CDR2: variants seen among roughly 807,000 people sequenced by gnomAD.
The protein encoded by CDR2 is cerebellar degeneration related protein 2.
Under a neutral mutation model 48.4 loss-of-function variants are expected in CDR2, and 34 were observed. That is an observed-to-expected ratio of 0.70 (90% CI 0.53 to 0.94). The LOEUF is 0.94. CDR2 is among the 40% of genes least tolerant of loss of function. The probability of loss-of-function intolerance (pLI) is 0.00; values close to 1 mark genes in which losing one functional copy is unlikely to be tolerated. For missense variants in CDR2, 498 were observed against 549.5 expected (o/e 0.91, Z 0.94); for synonymous variants, 240 against 219.7 (o/e 1.09, Z -0.82).
chr16:22,349,841 C>G lies in CDR2; in HGVS notation c.201G>C (p.Thr67=). 1.2e-6 allele frequency: 2 copies of G among 1,614,084 alleles called. No homozygotes were observed. Among genetic ancestry groups the G allele is most frequent in the Non-Finnish European group, 1.7e-6 (2 of 1,179,966 alleles). The change falls in exon 3 of 5, where the codon ACG becomes ACC. Residue 67 remains threonine, a synonymous_variant. Coordinates refer to ENST00000268383, the MANE Select transcript of CDR2 (RefSeq NM_001802.2). The stretch of plus-strand genomic sequence containing the variant: ...TCTGCCGTAGAAGTTCCACTTGCTT[C>G]GTCAGATACTGTAAGAGAAGATCAG... ...QEQLQEIEYL[T]KQVELLRQMN...
At chr16:22,351,313 G>A (rs1019064669) in intron 2 of CDR2, among the ~76,000 whole-genome samples, 2 of 152,112 alleles carry the variant, frequency 1.3e-5, no homozygotes, top group African/African-American at 2.4e-5. Context: ...GAATAGTGCC[G>A]CAATAAACAT....
chr16:22,364,813 AT>A (rs2049034185), intron 2 of CDR2, 88 bp downstream of exon 2: 1 of 711,338 alleles, frequency 1.4e-6, no homozygotes, highest in African/African-American at 1.8e-5. Flanking sequence ...GCTGCATCTA[AT>A]TGCAAGTGCT....
chr16:22,359,654 A>T (rs1406071871), intron 2 of CDR2, among the ~76,000 whole-genome samples: 1 of 152,184 alleles, frequency 6.6e-6, no homozygotes, highest in Non-Finnish European at 1.5e-5. Context: ...TCTGAGGGGT[A>T]ATTCATATGT....
At chr16:22,356,095 CTTG>C (rs1195397631) in intron 2 of CDR2, among the ~76,000 whole-genome samples, 2 of 152,108 alleles carry the variant, frequency 1.3e-5, no homozygotes, top group Non-Finnish European at 2.9e-5. Context: ...GTTTCTAGAT[CTTG>C]TTATTAAATA....
chr16:22,349,828 G>C lies in CDR2; in HGVS notation c.214C>G (p.Leu72Val). Residue 72 changes from leucine (L) to valine (V), a missense_variant, in exon 3 of 5, where the codon CTT becomes GTT. Coordinates refer to ENST00000268383, the MANE Select transcript of CDR2 (RefSeq NM_001802.2). ...EIEYLTKQVELLRQMNEQHAK... is the reference protein window; with the variant it reads ...EIEYLTKQVEVLRQMNEQHAK... Reference sequence around the variant, plus strand: ...TGTTGTTCGTTCATCTGCCGTAGAAGTTCCACTTGCTTCGTCAGATACTGT... The same window carrying C: ...TGTTGTTCGTTCATCTGCCGTAGAACTTCCACTTGCTTCGTCAGATACTGT... The C allele has an allele frequency of 6.2e-7, 1 of 1,614,112 alleles. No homozygotes were observed. The highest frequency in any genetic ancestry group is 8.5e-7 in the Non-Finnish European group (1 of 1,179,972).
chr16:22,351,658 T>C (rs1442886676), intron 2 of CDR2, among the ~76,000 whole-genome samples: 1 of 152,106 alleles, frequency 6.6e-6, no homozygotes, highest in Non-Finnish European at 1.5e-5. Context: ...TTTATGAGAG[T>C]TTTATCACCA....
chr16:22,362,292 A>G (rs1349940933), intron 2 of CDR2, among the ~76,000 whole-genome samples: 1 of 152,238 alleles, frequency 6.6e-6, no homozygotes, highest in African/African-American at 2.4e-5. Context: ...ATTAGATAAT[A>G]AAGTGTTATT....
intron 2 of CDR2, among the ~76,000 whole-genome samples, chr16:22,351,769 T>C (rs2048944002): frequency 6.6e-6 from 1 of 152,154 alleles, no homozygotes. Context: ...ATCCCAACCT[T>C]AATGCCGCAG....
intron 1 of CDR2, among the ~76,000 whole-genome samples, chr16:22,366,515 T>C (rs1214918822): frequency 6.6e-6 from 1 of 152,040 alleles, no homozygotes; most frequent in East Asian, 1.9e-4. Flanking sequence ...ACAGAATAAG[T>C]GACCCATGTG....
At chr16:22,371,696 A>G (rs1312400716) in intron 1 of CDR2, among the ~76,000 whole-genome samples, 1 of 152,220 alleles carries the variant, frequency 6.6e-6, no homozygotes, top group African/African-American at 2.4e-5. Flanking sequence ...GACAGGCCAT[A>G]TTCACAAGTT....
chr16:22,372,160 G>A (rs1162643492), intron 1 of CDR2, among the ~76,000 whole-genome samples: 1 of 152,076 alleles, frequency 6.6e-6, no homozygotes, highest in Non-Finnish European at 1.5e-5. Context: ...ATGAGTCACT[G>A]CGCCCAGCCC....
Position 22,346,933 on chromosome 16 carries a change from T to C in CDR2, c.*32A>G. The C allele has an allele frequency of 1.9e-6, 3 of 1,588,114 alleles. No homozygotes were observed. The highest frequency in any genetic ancestry group is 4.5e-5 in the East Asian group (2 of 44,426). Reference sequence around the variant, plus strand: ...AATGGGAGAGAGAGGCGATAGGCAATAGGCAAATTAGTAGTAGAGCTAGAG... The same window carrying C: ...AATGGGAGAGAGAGGCGATAGGCAACAGGCAAATTAGTAGTAGAGCTAGAG... On this transcript the variant is annotated 3_prime_UTR_variant, in exon 5 of 5. Transcript: ENST00000268383.
chr16:22,361,028 CG>C lies in CDR2; in HGVS notation c.192+3873del, dbSNP rs2049007812. Among the ~76,000 whole-genome samples, 3 of 152,104 alleles carry C rather than the reference CG, an allele frequency of 2.0e-5. No individual in the cohort carries two copies. The South Asian group carries it at 6.2e-4, about 32-fold the overall frequency. ...CCTCCCAAAGTGCTAGGATTACAGGCGTGAGCCACTGCGCCAAGCTGTGTAT... is the reference window on the plus strand; with the variant it reads ...CCTCCCAAAGTGCTAGGATTACAGGCTGAGCCACTGCGCCAAGCTGTGTAT... On this transcript the variant is annotated intron_variant, in intron 2 of 4. Coordinates refer to ENST00000268383, the MANE Select transcript of CDR2 (RefSeq NM_001802.2).
chr16:22,367,922 A>G (rs1487487334), intron 1 of CDR2, among the ~76,000 whole-genome samples: 1 of 152,184 alleles, frequency 6.6e-6, no homozygotes, highest in Non-Finnish European at 1.5e-5. Flanking sequence ...TAGTCATTAC[A>G]TTCATTAAGA....
intron 2 of CDR2, among the ~76,000 whole-genome samples, chr16:22,350,819 T>C (rs776489703): frequency 2.0e-5 from 3 of 152,100 alleles, no homozygotes; most frequent in African/African-American, 7.2e-5. Context: ...ACATGGAACA[T>C]GTGATCAAAG....
At chr16:22,364,378 T>C (rs1388460812) in intron 2 of CDR2, among the ~76,000 whole-genome samples, 1 of 152,112 alleles carries the variant, frequency 6.6e-6, no homozygotes, top group East Asian at 1.9e-4. Context: ...TCAGGAACTA[T>C]GATTTTTTTT....
rs369934298 is a variant in CDR2 at position 22,374,317 on chromosome 16, G to A, written c.-8C>T. On this transcript the variant is annotated 5_prime_UTR_variant, in exon 1 of 5. Coordinates refer to ENST00000268383, the MANE Select transcript of CDR2 (RefSeq NM_001802.2). ...CAGGTTTTCCGCCAGCATCTCGGCT[G>A]GGTCTTCTAGGGGCAGCGGCCCCCG... 165 of 1,585,798 alleles carry A rather than the reference G, an allele frequency of 1.0e-4. No homozygotes were observed. Among genetic ancestry groups the A allele is most frequent in the Non-Finnish European group, 1.4e-4 (161 of 1,164,786 alleles).
At chr16:22,349,892 T>A in intron 2 of CDR2, 43 bp from the exon 3 acceptor site, 1 of 1,596,930 alleles carries the variant, frequency 6.3e-7, no homozygotes, top group Non-Finnish European at 8.6e-7. Context: ...ACAGATAAGA[T>A]ACCTGCTGTT....
At chr16:22,367,692 T>C (rs2141853396) in intron 1 of CDR2, among the ~76,000 whole-genome samples, 1 of 152,210 alleles carries the variant, frequency 6.6e-6, no homozygotes, top group Non-Finnish European at 1.5e-5. Context: ...TAGCATTGAG[T>C]AAATGGTAAC....
Sources: allele counts gnomAD v4.1 joint callset (sites outside exome capture counted in the v4.1 genomes callset), GRCh38; gene constraint gnomAD v4.1.1; transcripts MANE v1.5; gene names NCBI Gene and HGNC (gene_info 2026-07-23, HGNC 2026-07-21).